Variants in TBCD observed in about 807,000 individuals in gnomAD.
The protein encoded by TBCD is tubulin folding cofactor D, also known as tubulin-specific chaperone D.
In TBCD, 105 loss-of-function variants were observed where a neutral mutation model predicts 169.3. That is an observed-to-expected ratio of 0.62 (90% CI 0.53 to 0.73). TBCD has a LOEUF of 0.73. Ranked by LOEUF, TBCD falls within the 30% of genes least tolerant of loss-of-function variation. The pLI is 0.00. For missense variants in TBCD, 1,444 were observed against 1,600.1 expected, an observed-to-expected ratio of 0.90 and a Z score of 1.66; for synonymous variants, 700 against 643.9, an observed-to-expected ratio of 1.09 and a Z score of -1.32.
intron 13 of TBCD, among the ~76,000 whole-genome samples, chr17:82,825,003 G>A (rs1185080752): frequency 6.6e-6 from 1 of 151,996 alleles, no homozygotes; most frequent in Non-Finnish European, 1.5e-5. Context: ...TAGACACAAA[G>A]GGCTTATCCT....
chr17:82,920,314 C>G lies in TBCD; in HGVS notation c.2039-242C>G. 1.7e-6 allele frequency: 1 copy of G among 574,698 alleles called. No homozygotes were observed. The allele number at this position is 574,698 out of a possible 1,614,324, so 35.6% of individuals were successfully genotyped here. ...GCACGTGGGCTCACACATGGGCCTT[C>G]TGCCACGTGGCTGGGTCTGCAGCAC... On this transcript the variant is annotated intron_variant, in intron 23 of 38. Coordinates refer to ENST00000355528, the MANE Select transcript of TBCD (RefSeq NM_005993.5). This position sits in a 1 kb window ranked among gnomAD's most constrained non-coding sequence, Gnocchi z 4.1.
intron 34 of TBCD, among the ~76,000 whole-genome samples, chr17:82,936,530 C>T (rs141770996): frequency 3.3e-5 from 5 of 152,248 alleles, no homozygotes; most frequent in African/African-American, 9.6e-5. Context: ...TTTGAGGGGT[C>T]GCACCTCAGA....
At chr17:82,838,904 G>A in intron 13 of TBCD, 1 of 985,416 alleles carries the variant, frequency 1.0e-6, no homozygotes, top group Non-Finnish European at 1.2e-6. Flanking sequence ...ATGCTGGAAG[G>A]CCTTTGCTAA....
rs537845856 is a variant in TBCD at position 82,899,344 on chromosome 17, T to G, written c.1650-1307T>G. ...GCGCGCGCGTCCTCAGCTCGTGTCC[T>G]CAGTGCGTGTCCGCAGTGCGTCCTC... On this transcript the variant is annotated intron_variant, in intron 17 of 38. Coordinates refer to ENST00000355528, the MANE Select transcript of TBCD (RefSeq NM_005993.5). Among the ~76,000 whole-genome samples the G allele has an allele frequency of 8.8e-5, 12 of 136,190 alleles. 1 individual carries two copies. The South Asian group carries it at 1.5e-3, about 17-fold the overall frequency. 89.3% of individuals were successfully genotyped at this position (136,190 alleles called of 152,430 possible). A position where few individuals can be genotyped will look rare whatever the true frequency, so the allele number is the denominator to read the frequency against.
intron 15 of TBCD, among the ~76,000 whole-genome samples, chr17:82,888,187 G>A (rs536142199): frequency 1.3e-5 from 2 of 152,292 alleles, no homozygotes; most frequent in African/African-American, 4.8e-5. Context: ...CCCGGTCCCG[G>A]GGATGCTGTC....
chr17:82,878,257 TA>T (rs11452108), intron 14 of TBCD, among the ~76,000 whole-genome samples: 57 of 151,924 alleles, frequency 3.8e-4, no homozygotes, highest in Non-Finnish European at 6.3e-4. Context: ...TTGGGGCACT[TA>T]AAAAATAGGT....
chr17:82,935,914 C>T (rs1017878491), intron 34 of TBCD, among the ~76,000 whole-genome samples: 2 of 152,220 alleles, frequency 1.3e-5, no homozygotes, highest in African/African-American at 2.4e-5. Flanking sequence ...GGGTCTGCTG[C>T]GGTGAAGCTT....
rs1213422270 is a variant in TBCD, at chr17:82,752,250, G to A, written c.57G>A (p.Glu19=). ...AGGPEEEAED[E]TLAFGAALEA... ...GCCCCGAGGAGGAGGCGGAGGACGA[G>A]ACACTGGCCTTTGGCGCGGCGCTGG... Residue 19 remains glutamate (E), a synonymous_variant, in exon 1 of 39, where the codon GAG becomes GAA. Transcript: ENST00000355528. The A allele has an allele frequency of 5.2e-6, 8 of 1,524,944 alleles. No homozygotes were observed. Among genetic ancestry groups the A allele is most frequent in the South Asian group, 3.6e-5 (3 of 82,540 alleles). 94.5% of individuals were successfully genotyped at this position (1,524,944 alleles called of 1,614,324 possible).
In TBCD at chr17:82,930,347, G is replaced by T; in HGVS notation, c.2992-175G>T. 4.7e-6 allele frequency: 4 copies of T among 853,840 alleles called. No homozygotes were observed. Among genetic ancestry groups the T allele is most frequent in the Non-Finnish European group, 7.0e-6 (4 of 572,308 alleles). The allele number at this position is 853,840 out of a possible 1,614,324, so 52.9% of individuals were successfully genotyped here. On this transcript the variant is annotated intron_variant, in intron 32 of 38. Coordinates refer to ENST00000355528, the MANE Select transcript of TBCD (RefSeq NM_005993.5). This position sits in a 1 kb window ranked among gnomAD's most constrained non-coding sequence, Gnocchi z 5.2. ...AGCCTTGTGTCTGCTTCGGGTGTCT[G>T]CACTGTGAGTGGCTCCGTGCTGGCG...
At chr17:82,788,577 C>T (rs1215674988) in intron 7 of TBCD, among the ~76,000 whole-genome samples, 1 of 152,178 alleles carries the variant, frequency 6.6e-6, no homozygotes, top group African/African-American at 2.4e-5. Context: ...TCACACACAA[C>T]AGCATTAAAA....
At position 82,834,845 on chromosome 17, in the gene TBCD, C is replaced by T. The variant is rs572941359; in HGVS notation, c.1318+19911C>T. ...CACACATTTACCTGTGTAACCTACACGTTCTGCACTTGTGTCCTGGAACTT... is the reference window on the plus strand; with the variant it reads ...CACACATTTACCTGTGTAACCTACATGTTCTGCACTTGTGTCCTGGAACTT... On this transcript the variant is annotated intron_variant, in intron 13 of 38. Transcript: ENST00000355528. 1.1e-4 allele frequency among the ~76,000 whole-genome samples: 16 copies of T among 152,156 alleles called. No individual in the cohort carries two copies. In the South Asian group the frequency reaches 2.3e-3, roughly 22 times the overall value.
intron 13 of TBCD, among the ~76,000 whole-genome samples, chr17:82,822,508 G>A (rs601997): frequency 0.54 from 81,773 of 151,990 alleles, 22,107 homozygotes; most frequent in South Asian, 0.65. Context: ...CTGGGACAGC[G>A]GAAAGAGCAG....
chr17:82,791,302 A>C (rs2049710929), intron 7 of TBCD, among the ~76,000 whole-genome samples: 1 of 152,114 alleles, frequency 6.6e-6, no homozygotes, highest in South Asian at 2.1e-4. Flanking sequence ...CGTGTTAGCC[A>C]GGATGGTCTC....
chr17:82,784,750 T>C (rs1424745910), intron 7 of TBCD, among the ~76,000 whole-genome samples: 1 of 152,186 alleles, frequency 6.6e-6, no homozygotes, highest in Non-Finnish European at 1.5e-5. Context: ...GGACACGCTC[T>C]TAGGTCCCTA....
At chr17:82,829,267 G>A (rs368256747) in intron 13 of TBCD, among the ~76,000 whole-genome samples, 136 of 146,060 alleles carry the variant, frequency 9.3e-4, no homozygotes, top group Middle Eastern at 8.4e-3. Context: ...ACACCTACAC[G>A]CACTCGCAGA....
intron 9 of TBCD, among the ~76,000 whole-genome samples, chr17:82,803,778 T>C (rs924870935): frequency 1.3e-5 from 2 of 151,978 alleles, no homozygotes; most frequent in Non-Finnish European, 2.9e-5. Flanking sequence ...GTCATTGTCT[T>C]TGTGGTGCCG....
chr17:82,837,055 T>C (rs2054048409), intron 13 of TBCD, among the ~76,000 whole-genome samples: 1 of 152,222 alleles, frequency 6.6e-6, no homozygotes, highest in South Asian at 2.1e-4. Context: ...AATTTGCTAA[T>C]TAAAACAGGG....
intron 18 of TBCD, among the ~76,000 whole-genome samples, chr17:82,901,008 G>A (rs776017201): frequency 1.3e-5 from 2 of 152,228 alleles, no homozygotes; most frequent in Non-Finnish European, 1.5e-5. Flanking sequence ...GCTGCCGTCC[G>A]AGGGGGCGCG....
At chr17:82,904,057 C>T (rs1252523517) in intron 19 of TBCD, among the ~76,000 whole-genome samples, 1 of 99,588 alleles carries the variant, frequency 1.0e-5, no homozygotes, top group Admixed American at 9.5e-5. Flanking sequence ...ACCTGCCACA[C>T]GACACTCCCT....
Sources: gnomAD v4.1 joint callset for allele counts (sites outside exome capture counted in the v4.1 genomes callset) on GRCh38, gnomAD v4.1.1 for gene constraint, Gnocchi (gnomAD v3.1) non-coding constraint, MANE v1.5 for transcripts, NCBI Gene and HGNC (gene_info 2026-07-23, HGNC 2026-07-21) for gene names.